Variants in CCL28 observed in about 807,000 individuals in gnomAD.
CCL28 encodes the protein C-C motif chemokine ligand 28.
CCL28 carries 4 observed loss-of-function variants against 7.1 expected under a neutral mutation model. The observed-to-expected ratio is 0.56, with a 90% CI of 0.28 to 1.29. The LOEUF (loss-of-function observed/expected upper bound fraction) is 1.29, where lower values mean the gene tolerates loss of function less well. CCL28 is among the 50% of genes most tolerant of loss of function. The pLI, the probability that CCL28 is intolerant of heterozygous loss-of-function variation, is 0.11. For missense variants in CCL28, 151 were observed against 163.4 expected (o/e 0.92, Z 0.41); for synonymous variants, 55 against 57.8 (o/e 0.95, Z 0.22).
the CCL28 span, among the ~76,000 whole-genome samples, chr5:43,369,994 T>A: frequency 6.6e-6 from 1 of 152,180 alleles, no homozygotes; most frequent in South Asian, 2.1e-4. Flanking sequence ...GGAGAAAGAC[T>A]AGATCCTGTG....
chr5:43,370,150 C>T, the CCL28 span, among the ~76,000 whole-genome samples: 52 of 152,274 alleles, frequency 3.4e-4, no homozygotes, highest in African/African-American at 1.2e-3. Flanking sequence ...AAGAACTGTC[C>T]AACTGAGCCC....
chr5:43,374,669 T>C (rs1465030383), downstream of CCL28, among the ~76,000 whole-genome samples: 1 of 151,316 alleles, frequency 6.6e-6, no homozygotes, highest in Non-Finnish European at 1.5e-5. Context: ...TAATCCCAGC[T>C]ACTCAGGAAG....
the CCL28 span, among the ~76,000 whole-genome samples, chr5:43,358,422 G>A: frequency 6.6e-6 from 1 of 152,300 alleles, no homozygotes; most frequent in Non-Finnish European, 1.5e-5. Flanking sequence ...AAGCAGAGGG[G>A]ACTTGCTTAT....
intron 1 of CCL28, among the ~76,000 whole-genome samples, chr5:43,401,869 C>T (rs749673520): frequency 6.6e-6 from 1 of 152,122 alleles, no homozygotes; most frequent in Admixed American, 6.5e-5. Flanking sequence ...CGTTGTTAAA[C>T]TTTATCTACA....
chr5:43,358,398 C>T, the CCL28 span, among the ~76,000 whole-genome samples: 219 of 152,292 alleles, frequency 1.4e-3, no homozygotes, highest in African/African-American at 5.2e-3. Flanking sequence ...AAATTGCTTT[C>T]CTTATAAAGG....
chr5:43,357,434 G>C, the CCL28 span, among the ~76,000 whole-genome samples: 1 of 152,172 alleles, frequency 6.6e-6, no homozygotes, highest in African/African-American at 2.4e-5. Flanking sequence ...CCAGTTCTTT[G>C]ACACCATTCA....
chr5:43,403,315 G>A (rs1328227980), intron 1 of CCL28, among the ~76,000 whole-genome samples: 2 of 152,172 alleles, frequency 1.3e-5, no homozygotes, highest in Admixed American at 1.3e-4. Context: ...GATGAAGCTT[G>A]CAGAGGAAGG....
intron 1 of CCL28, among the ~76,000 whole-genome samples, chr5:43,395,898 G>T (rs2111817125): frequency 8.6e-6 from 1 of 116,038 alleles, no homozygotes; most frequent in African/African-American, 3.4e-5. Context: ...GTATCGCTCT[G>T]TATCGCTCTG....
At chr5:43,358,754 G>C in the CCL28 span, among the ~76,000 whole-genome samples, 1 of 152,108 alleles carries the variant, frequency 6.6e-6, no homozygotes, top group African/African-American at 2.4e-5. Context: ...TATATTTACA[G>C]ATAAACAAAC....
At chr5:43,390,901 G>A (rs1561159619) in intron 1 of CCL28, among the ~76,000 whole-genome samples, 1 of 152,212 alleles carries the variant, frequency 6.6e-6, no homozygotes. Context: ...GAAGCCCAGA[G>A]TATAGGAGTT....
the CCL28 span, among the ~76,000 whole-genome samples, chr5:43,365,212 C>A: frequency 6.6e-6 from 1 of 151,962 alleles, no homozygotes; most frequent in Non-Finnish European, 1.5e-5. Flanking sequence ...ATCATGTTAG[C>A]CAGGATGGTC....
intron 2 of CCL28, among the ~76,000 whole-genome samples, chr5:43,384,689 T>C (rs1740264530): frequency 6.6e-6 from 1 of 152,098 alleles, no homozygotes; most frequent in African/African-American, 2.4e-5. Context: ...GATAGTCTGA[T>C]GGACGTAAAG....
chr5:43,396,315 G>A (rs1740802455), intron 1 of CCL28, among the ~76,000 whole-genome samples: 1 of 152,102 alleles, frequency 6.6e-6, no homozygotes, highest in Admixed American at 6.5e-5. Context: ...GGATTTAGCC[G>A]GCTTCTTCAC....
At chr5:43,370,779 T>C in the CCL28 span, among the ~76,000 whole-genome samples, 1 of 151,630 alleles carries the variant, frequency 6.6e-6, no homozygotes, top group African/African-American at 2.4e-5. Context: ...TCTTGCTTTG[T>C]TGTGCATGGT....
chr5:43,400,761 T>C (rs1251491824), intron 1 of CCL28, among the ~76,000 whole-genome samples: 1 of 152,162 alleles, frequency 6.6e-6, no homozygotes, highest in East Asian at 1.9e-4. Flanking sequence ...TTCACTTAGC[T>C]GCTAGCAGTG....
At chr5:43,361,365 G>A in the CCL28 span, among the ~76,000 whole-genome samples, 1 of 152,066 alleles carries the variant, frequency 6.6e-6, no homozygotes. Flanking sequence ...TTTCATTGTG[G>A]TTTTGATTTG....
Position 43,412,326 on chromosome 5 carries a change from C to G in CCL28, c.-10G>C, listed in dbSNP as rs1741566493. The G allele has an allele frequency of 3.1e-6, 5 of 1,610,592 alleles. No individual in the cohort carries two copies. Among genetic ancestry groups the G allele is most frequent in the African/African-American group, 1.3e-5 (1 of 74,912 alleles). On this transcript the variant is annotated 5_prime_UTR_variant, in exon 1 of 3. Coordinates refer to ENST00000361115, the MANE Select transcript of CCL28 (RefSeq NM_148672.3). The stretch of plus-strand genomic sequence containing the variant: ...GTCCTCTCTGCTGCATTCCTGCCTG[C>G]CCTACTGGCACTGACAGCAACACAA...
chr5:43,390,019 C>T (rs1189867488), intron 1 of CCL28, among the ~76,000 whole-genome samples: 1 of 152,194 alleles, frequency 6.6e-6, no homozygotes, highest in African/African-American at 2.4e-5. Flanking sequence ...AGCTACTTCC[C>T]TTTATTTCAA....
intron 1 of CCL28, among the ~76,000 whole-genome samples, chr5:43,393,106 T>C (rs936510382): frequency 1.3e-5 from 2 of 152,334 alleles, no homozygotes; most frequent in South Asian, 2.1e-4. Context: ...CTCAGAACTA[T>C]AGTGGTAAAT....
Sources: gnomAD v4.1 joint callset for allele counts (sites outside exome capture counted in the v4.1 genomes callset) on GRCh38, gnomAD v4.1.1 for gene constraint, MANE v1.5 for transcripts, NCBI Gene and HGNC (gene_info 2026-07-23, HGNC 2026-07-21) for gene names.